Variants in CC2D1B observed in about 807,000 individuals in gnomAD.
The protein encoded by CC2D1B is coiled-coil and C2 domain containing 1B, also known as coiled-coil and C2 domain-containing protein 1B.
In CC2D1B, 92 loss-of-function variants were observed where a neutral mutation model predicts 110.8. The ratio of observed to expected loss-of-function variants is 0.83; its 90% confidence interval spans 0.70 to 0.99. The LOEUF is 0.99. Among genes scored for constraint, CC2D1B ranks in the 50% least tolerant of loss-of-function variants. The probability of loss-of-function intolerance (pLI) is 0.00; values close to 1 mark genes in which losing one functional copy is unlikely to be tolerated. For synonymous variants in CC2D1B, 406 were observed against 429.2 expected, an observed-to-expected ratio of 0.95 and a Z score of 0.67; for missense variants, 1,136 against 1,089.0, an observed-to-expected ratio of 1.04 and a Z score of -0.61.
chr1:52,357,554 C>A lies in CC2D1B; in HGVS notation c.1724G>T (p.Arg575Leu). 1 of 1,581,580 alleles carries A rather than the reference C, an allele frequency of 6.3e-7. No homozygotes were observed. The highest frequency in any genetic ancestry group is 1.1e-5 in the South Asian group (1 of 87,158). ...GGACAGATCAACAGGTCTGCCAGAT[C>A]GGGCCTGGATGATCTGAGCCTCAAG... ...KWLEAQIIQA[R>L]SGRPVDLSKV... Residue 575 changes from arginine (R) to leucine (L), a missense_variant, in exon 15 of 25, where the codon CGA becomes CTA. Coordinates refer to ENST00000284376, the MANE Select transcript of CC2D1B (RefSeq NM_001330585.2).
intron 1 of CC2D1B, among the ~76,000 whole-genome samples, chr1:52,364,983 A>T (rs2147899025): frequency 6.6e-6 from 1 of 152,350 alleles, no homozygotes; most frequent in South Asian, 2.1e-4. Flanking sequence ...AATTTCAATG[A>T]ATTAAAATGA....
intron 21 of CC2D1B, 31 bp from the exon 22 acceptor site, chr1:52,354,970 T>C: frequency 1.7e-5 from 26 of 1,569,482 alleles, no homozygotes; most frequent in Non-Finnish European, 2.3e-5. Context: ...AAGGAGGGGC[T>C]TGGCTCTCGG....
At position 52,359,715 on chromosome 1, in the gene CC2D1B, C is replaced by A. The variant is rs779215491; in HGVS notation, c.932G>T (p.Arg311Met). 5.0e-6 allele frequency: 8 copies of A among 1,602,078 alleles called. No homozygotes were observed. Residue 311 changes from arginine to methionine, a missense_variant, in exon 8 of 25, where the codon AGG (arginine) becomes ATG (methionine). Transcript: ENST00000284376. ...GELDRARELM[R>M]IGKRFGAVLE... ...AGCCAGATGCCATACCTTCCCAATC[C>A]TCATGAGCTCTCGGGCACGGTCTAG...
Position 52,352,612 on chromosome 1 carries a change from A to G in CC2D1B, c.*613T>C, listed in dbSNP as rs987675325. On this transcript the variant is annotated 3_prime_UTR_variant, in exon 25 of 25. Coordinates refer to ENST00000284376, the MANE Select transcript of CC2D1B (RefSeq NM_001330585.2). ...GTGGGTAGACCAAACCCAAGATCCA[A>G]CCTTCCCCTTACTTCCCACCAAGTA... is the stretch of plus-strand genomic sequence containing the variant. The G allele has an allele frequency of 1.3e-5, 2 of 152,544 alleles. No individual in the cohort carries two copies. Among genetic ancestry groups the G allele is most frequent in the Non-Finnish European group, 2.9e-5 (2 of 68,030 alleles). The allele number at this position is 152,544 out of a possible 1,614,324, so 9.4% of individuals were successfully genotyped here.
chr1:52,362,738 G>C lies in CC2D1B; in HGVS notation c.78C>G (p.Leu26=), dbSNP rs2147896963. The C allele has an allele frequency of 6.2e-7, 1 of 1,614,034 alleles. No individual in the cohort carries two copies. Among genetic ancestry groups the C allele is most frequent in the South Asian group, 1.1e-5 (1 of 91,080 alleles). ...TGTCCTCAGGGCCAAACTCCATAAA[G>C]AGCCCCATCTGAGAGCAGAGCAGGA... ...QGVAAAKQMG[L]FMEFGPEDML... Residue 26 remains leucine (L), a synonymous_variant, in exon 3 of 25, where the codon CTC becomes CTG. Coordinates refer to ENST00000284376, the MANE Select transcript of CC2D1B (RefSeq NM_001330585.2).
At chr1:52,360,794 G>C in intron 5 of CC2D1B, 180 bp downstream of exon 5, 2 of 900,594 alleles carry the variant, frequency 2.2e-6, no homozygotes, top group Non-Finnish European at 3.3e-6. Flanking sequence ...AGAACAGAGA[G>C]GCCTTTGAGG....
At position 52,359,331 on chromosome 1, in the gene CC2D1B, C is replaced by G. The variant is rs368870581; in HGVS notation, c.1045G>C (p.Ala349Pro). ...EDLKPQQASQAPTAPSVIPPA... is the reference protein window; with the variant it reads ...EDLKPQQASQPPTAPSVIPPA... Reference sequence around the variant, plus strand: ...GGAATGACTGAGGGTGCTGTGGGAGCCTGAGAAGCCTGCTGGGGCTTCAGA... The same window carrying G: ...GGAATGACTGAGGGTGCTGTGGGAGGCTGAGAAGCCTGCTGGGGCTTCAGA... The change falls in exon 10 of 25, where the codon GCT (alanine) becomes CCT (proline). Residue 349 changes from alanine to proline, a missense_variant. Physicochemically the swap from Ala to Pro is conservative, Grantham distance 27. Transcript: ENST00000284376. 1.9e-6 allele frequency: 3 copies of G among 1,613,236 alleles called. No individual in the cohort carries two copies. The highest frequency in any genetic ancestry group is 2.5e-6 in the Non-Finnish European group (3 of 1,179,856).
chr1:52,361,397 GCACT>G, intron 4 of CC2D1B, 112 bp downstream of exon 4: 1 of 1,535,714 alleles, frequency 6.5e-7, no homozygotes, highest in East Asian at 2.3e-5. Flanking sequence ...GGAGGGGCAA[GCACT>G]CACTCAGAGT....
Position 52,351,195 on chromosome 1 carries a change from G to C in CC2D1B, c.*2030C>G, listed in dbSNP as rs867314212. The C allele has an allele frequency of 1.6e-4, 24 of 152,316 alleles. No individual in the cohort carries two copies. The highest frequency in any genetic ancestry group is 3.4e-3 in the Middle Eastern group (1 of 294). The allele number at this position is 152,316 out of a possible 1,614,324, so 9.4% of individuals were successfully genotyped here. A position where few individuals can be genotyped will look rare whatever the true frequency, so the allele number is the denominator to read the frequency against. On this transcript the variant is annotated 3_prime_UTR_variant, in exon 25 of 25. Transcript: ENST00000284376. ...CTGGTGGGAGGCTTTGTCTTGCCTC[G>C]TCAGCCTGGAGGTTCTGTTTTGAAA...
In CC2D1B at chr1:52,350,877, C is replaced by G. The variant is rs545870201; in HGVS notation, c.*2348G>C. Reference sequence around the variant, plus strand: ...TCGTGTGTCTCAGCCTCCCTAGTAGCTGGGATTACAGGCGCCGGCCACCAT... The same window carrying G: ...TCGTGTGTCTCAGCCTCCCTAGTAGGTGGGATTACAGGCGCCGGCCACCAT... On this transcript the variant is annotated 3_prime_UTR_variant, in exon 25 of 25. Coordinates refer to ENST00000284376, the MANE Select transcript of CC2D1B (RefSeq NM_001330585.2). 6.6e-6 allele frequency: 1 copy of G among 152,370 alleles called. No homozygotes were observed. The highest frequency in any genetic ancestry group is 6.5e-5 in the Admixed American group (1 of 15,298). The allele number at this position is 152,370 out of a possible 1,614,324, so 9.4% of individuals were successfully genotyped here.
rs747485105 is a variant in CC2D1B, at chr1:52,354,601, C to A, written c.2430+7G>T. Reference sequence around the variant, plus strand: ...CCCCTTTGGCTTGCCCACACCCCAGCCCCTACCTCCACAATTTCTCTGATC... The same window carrying A: ...CCCCTTTGGCTTGCCCACACCCCAGACCCTACCTCCACAATTTCTCTGATC... On this transcript the variant is annotated splice_region_variant and intron_variant, in intron 23 of 24. Transcript: ENST00000284376. 2 of 1,613,608 alleles carry A rather than the reference C, an allele frequency of 1.2e-6. No homozygotes were observed. The highest frequency in any genetic ancestry group is 1.7e-6 in the Non-Finnish European group (2 of 1,179,606).
Position 52,364,023 on chromosome 1 carries a change from G to A in CC2D1B, c.69+529C>T, listed in dbSNP as rs114850105. On this transcript the variant is annotated intron_variant, in intron 2 of 24. Coordinates refer to ENST00000284376, the MANE Select transcript of CC2D1B (RefSeq NM_001330585.2). ...CCAATGTTCAGATGAAACTGAGACA[G>A]TCTTGTGAGACAATCAGAATTTAAA... Among the ~76,000 whole-genome samples the A allele has an allele frequency of 1.1e-3, 166 of 152,316 alleles. 2 individuals are homozygous for A. Among genetic ancestry groups the A allele is most frequent in the African/African-American group, 3.8e-3 (156 of 41,562 alleles).
In CC2D1B at chr1:52,360,241, A is replaced by G. The variant is rs1434008277; in HGVS notation, c.604-8T>C. ...TAGCTGCGACTCCAAGGTCTGAGGG[A>G]GAGAACTGGTCCAGAAACCCAGCCA... On this transcript the variant is annotated splice_region_variant and splice_polypyrimidine_tract_variant and intron_variant, in intron 6 of 24. Transcript: ENST00000284376. 1.9e-6 allele frequency: 3 copies of G among 1,613,626 alleles called. No homozygotes were observed. The highest frequency in any genetic ancestry group is 2.5e-6 in the Non-Finnish European group (3 of 1,179,910).
In CC2D1B at chr1:52,358,842, G is replaced by A. The variant is rs1446096734; in HGVS notation, c.1258-84C>T. 3.7e-5 allele frequency: 54 copies of A among 1,471,446 alleles called. 1 individual carries two copies. Among genetic ancestry groups the A allele is most frequent in the Non-Finnish European group, 4.9e-5 (53 of 1,079,810 alleles). The allele number at this position is 1,471,446 out of a possible 1,614,324, so 91.1% of individuals were successfully genotyped here. ...AACATGACACACAGTGGGGCAAGGA[G>A]AGGGAGACTGGTGGGAAGACAGCAG... On this transcript the variant is annotated intron_variant, in intron 11 of 24. Transcript: ENST00000284376.
At chr1:52,364,804 A>C (rs1646851107) in intron 1 of CC2D1B, among the ~76,000 whole-genome samples, 170 bp from the exon 2 acceptor site, 1 of 152,192 alleles carries the variant, frequency 6.6e-6, no homozygotes, top group Non-Finnish European at 1.5e-5. Context: ...CATGGGAGGG[A>C]TGGGGATCAC....
At chr1:52,356,487 C>T in intron 16 of CC2D1B, 45 bp from the exon 17 acceptor site, 2 of 1,608,370 alleles carry the variant, frequency 1.2e-6, no homozygotes, top group Non-Finnish European at 1.7e-6. Flanking sequence ...AGAGCAGGAC[C>T]TGCCTTGGTT....
chr1:52,359,311 G>A lies in CC2D1B; in HGVS notation c.1065C>T (p.Val355=). The change falls in exon 10 of 25, where the codon GTC becomes GTT. Residue 355 remains valine, a synonymous_variant. Transcript: ENST00000284376. The stretch of plus-strand genomic sequence containing the variant: ...GCACTCGCTCCACGGCTGGGGGAAT[G>A]ACTGAGGGTGCTGTGGGAGCCTGAG... ...QASQAPTAPS[V]IPPAVERVQP... is the part of the protein sequence containing the mutation. 1.2e-6 allele frequency: 2 copies of A among 1,613,444 alleles called. No homozygotes were observed. The highest frequency in any genetic ancestry group is 8.5e-7 in the Non-Finnish European group (1 of 1,179,838).
At chr1:52,359,992 T>C (rs1646744120) in intron 7 of CC2D1B, 82 bp downstream of exon 7, 2 of 1,547,214 alleles carry the variant, frequency 1.3e-6, no homozygotes, top group South Asian at 1.2e-5. Flanking sequence ...CCAATGGTAA[T>C]GAACAGTGGT....
intron 2 of CC2D1B, among the ~76,000 whole-genome samples, chr1:52,363,660 A>C: frequency 6.9e-6 from 1 of 145,064 alleles, no homozygotes; most frequent in Non-Finnish European, 1.5e-5. Context: ...GAATATGACT[A>C]CTCTAGGTAG....
Sources: allele counts gnomAD v4.1 joint callset (sites outside exome capture counted in the v4.1 genomes callset), GRCh38; gene constraint gnomAD v4.1.1; transcripts MANE v1.5; gene names NCBI Gene and HGNC (gene_info 2026-07-23, HGNC 2026-07-21).